KIF26B: variants seen among roughly 807,000 people sequenced by gnomAD.
KIF26B encodes the protein kinesin family member 26B, also known as kinesin-like protein KIF26B.
In KIF26B, 63 loss-of-function variants were observed where a neutral mutation model predicts 151.2. The observed-to-expected ratio is 0.42, with a 90% CI of 0.34 to 0.51. KIF26B has a LOEUF of 0.51. KIF26B is among the 20% of genes least tolerant of loss of function. The pLI is 0.07. For synonymous variants in KIF26B, 1,357 were observed against 1,262.1 expected, an observed-to-expected ratio of 1.08 and a Z score of -1.59; for missense variants, 2,813 against 2,913.6, an observed-to-expected ratio of 0.97 and a Z score of 0.79.
chr1:245,181,222 T>C (rs780220700), intron 2 of KIF26B, among the ~76,000 whole-genome samples: 1 of 152,194 alleles, frequency 6.6e-6, no homozygotes, highest in Non-Finnish European at 1.5e-5. Context: ...TCTTGCTCCC[T>C]TTCTAGTAGT....
intron 2 of KIF26B, among the ~76,000 whole-genome samples, chr1:245,319,915 G>A (rs763771025): frequency 4.6e-5 from 7 of 152,150 alleles, no homozygotes; most frequent in Non-Finnish European, 8.8e-5. Context: ...CCTTACGTGC[G>A]AATGATTTGG....
rs190478495 is a variant in KIF26B at position 245,236,983 on chromosome 1, G to A, written c.465+80300G>A. Among the ~76,000 whole-genome samples the A allele has an allele frequency of 7.7e-4, 117 of 152,334 alleles. 1 individual carries two copies. Among genetic ancestry groups the A allele is most frequent in the Middle Eastern group, 3.4e-3 (1 of 294 alleles). ...GACTTGTCTGAAATTACTTAAGGCC[G>A]ATCTGGGACTGAGTCTCTGGTCCGT... On this transcript the variant is annotated intron_variant, in intron 2 of 14. Coordinates refer to ENST00000407071, the MANE Select transcript of KIF26B (RefSeq NM_018012.4).
chr1:245,224,190 C>T (rs1669829748), intron 2 of KIF26B, among the ~76,000 whole-genome samples: 1 of 151,686 alleles, frequency 6.6e-6, no homozygotes, highest in African/African-American at 2.4e-5. Context: ...GAGGCTGAGG[C>T]AGGAGAATCG....
chr1:245,656,316 G>A (rs768217341), intron 10 of KIF26B, among the ~76,000 whole-genome samples: 3 of 152,134 alleles, frequency 2.0e-5, no homozygotes, highest in Non-Finnish European at 2.9e-5. Flanking sequence ...CTCTACTCAC[G>A]CTCATCTGTG....
intron 4 of KIF26B, among the ~76,000 whole-genome samples, chr1:245,491,621 A>C (rs1328061752): frequency 2.6e-5 from 4 of 151,744 alleles, no homozygotes; most frequent in Non-Finnish European, 5.9e-5. Context: ...AACTCTAGTA[A>C]ACTGGCTGGG....
chr1:245,514,130 CAT>C (rs1208963107), intron 4 of KIF26B, among the ~76,000 whole-genome samples: 4 of 152,164 alleles, frequency 2.6e-5, no homozygotes, highest in Non-Finnish European at 5.9e-5. Context: ...TAAGATAATA[CAT>C]ATGTTAATTA....
At chr1:245,552,489 C>G (rs12049461) in intron 5 of KIF26B, among the ~76,000 whole-genome samples, 49,694 of 151,802 alleles carry the variant, frequency 0.33, 8,592 homozygotes, top group Middle Eastern at 0.38. Context: ...GCCAAATTGA[C>G]ACATTACCAT....
At chr1:245,386,964 C>T (rs1673561477) in intron 3 of KIF26B, among the ~76,000 whole-genome samples, 1 of 152,082 alleles carries the variant, frequency 6.6e-6, no homozygotes, top group African/African-American at 2.4e-5. Flanking sequence ...CATGCCATGG[C>T]AGGGGCACAG....
In KIF26B at chr1:245,180,832, C is replaced by G. The variant is rs78700405; in HGVS notation, c.465+24149C>G. 9.3e-3 allele frequency among the ~76,000 whole-genome samples: 1,422 copies of G among 152,224 alleles called. 25 individuals are homozygous for G. The highest frequency in any genetic ancestry group is 0.032 in the African/African-American group (1,309 of 41,518). On this transcript the variant is annotated intron_variant, in intron 2 of 14. Transcript: ENST00000407071. ...CTTCTAGAGTCACTGCTGCAGGATTCTTTTTGTTTTTTTCTTTTTTAGAGG... is the reference window on the plus strand; with the variant it reads ...CTTCTAGAGTCACTGCTGCAGGATTGTTTTTGTTTTTTTCTTTTTTAGAGG...
At position 245,602,080 on chromosome 1, in the gene KIF26B, CA is replaced by C. The variant is rs1184053450; in HGVS notation, c.1351-496del. 6.6e-6 allele frequency among the ~76,000 whole-genome samples: 1 copy of C among 152,128 alleles called. No homozygotes were observed. Among genetic ancestry groups the C allele is most frequent in the Admixed American group, 6.6e-5 (1 of 15,258 alleles). ...CATTTCGAATGCTGGCCATTAAAAG[CA>C]GGCCATTTCACGGTTCTTTAATGAT... On this transcript the variant is annotated intron_variant, in intron 5 of 14. Coordinates refer to ENST00000407071, the MANE Select transcript of KIF26B (RefSeq NM_018012.4). This position sits in a 1 kb window ranked among gnomAD's most constrained non-coding sequence, Gnocchi z 4.5.
At chr1:245,615,781 C>T (rs986887050) in intron 9 of KIF26B, among the ~76,000 whole-genome samples, 15 of 152,300 alleles carry the variant, frequency 9.8e-5, no homozygotes, top group Middle Eastern at 6.8e-3. Flanking sequence ...TCTTCCCTCC[C>T]GAGGGGAAAG....
intron 5 of KIF26B, among the ~76,000 whole-genome samples, chr1:245,583,408 G>C (rs1001623312): frequency 6.6e-6 from 1 of 151,526 alleles, no homozygotes; most frequent in East Asian, 1.9e-4. Context: ...AACCATCTCC[G>C]GGGCCAAGCC....
intron 2 of KIF26B, among the ~76,000 whole-genome samples, chr1:245,324,044 TG>T (rs1671937974): frequency 7.8e-6 from 1 of 128,906 alleles, no homozygotes; most frequent in African/African-American, 3.2e-5. Flanking sequence ...GGAGGTGGGG[TG>T]GACCCTGATG....
At chr1:245,298,488 GC>G (rs1671374694) in intron 2 of KIF26B, among the ~76,000 whole-genome samples, 2 of 152,342 alleles carry the variant, frequency 1.3e-5, no homozygotes, top group South Asian at 4.1e-4. Flanking sequence ...GAGGTTGCCA[GC>G]AGCTAGAGGG....
intron 10 of KIF26B, among the ~76,000 whole-genome samples, chr1:245,681,218 T>C (rs895929882): frequency 8.2e-6 from 1 of 121,730 alleles, no homozygotes; most frequent in African/African-American, 2.6e-5. Flanking sequence ...CTTTTCTTTT[T>C]TTTTTTTTTG....
chr1:245,265,691 C>T (rs76195120), intron 2 of KIF26B, among the ~76,000 whole-genome samples: 1,727 of 151,504 alleles, frequency 0.011, 33 homozygotes, highest in African/African-American at 0.039. Flanking sequence ...AGGCTCAAAT[C>T]GTCCTCCCAA....
At chr1:245,669,466 ACTC>A (rs1194149715) in intron 10 of KIF26B, among the ~76,000 whole-genome samples, 2 of 152,132 alleles carry the variant, frequency 1.3e-5, no homozygotes, top group Non-Finnish European at 2.9e-5. Flanking sequence ...TATATAAAGA[ACTC>A]CTGTAAGTCA....
rs773112020 is a variant in KIF26B, at chr1:245,155,473, G to A, written c.49G>A (p.Gly17Ser). The A allele has an allele frequency of 1.9e-6, 3 of 1,612,076 alleles. No homozygotes were observed. The South Asian group carries it at 3.3e-5, about 18-fold the overall frequency. The change falls in exon 1 of 15, where the codon GGC (glycine) becomes AGC (serine). Residue 17 changes from glycine to serine, a missense_variant. Physicochemically the swap from Gly to Ser is moderately conservative, Grantham distance 56. Coordinates refer to ENST00000407071, the MANE Select transcript of KIF26B (RefSeq NM_018012.4). ...AGAGAGGCTTGCGGTCTCCACCAGG[G>A]GCAAGAAATACGGGGTAAGTTGTGA... is the stretch of plus-strand genomic sequence containing the variant. Reference protein sequence around the residue: ...NKERLAVSTRGKKYGVNEVCS... With the variant: ...NKERLAVSTRSKKYGVNEVCS...
chr1:245,254,001 G>A (rs930920416), intron 2 of KIF26B, among the ~76,000 whole-genome samples: 4 of 151,598 alleles, frequency 2.6e-5, no homozygotes, highest in Non-Finnish European at 5.9e-5. Context: ...TAGTAGAGAT[G>A]GGGTTTCACC....
Sources: gnomAD v4.1 joint callset for allele counts (sites outside exome capture counted in the v4.1 genomes callset) on GRCh38, gnomAD v4.1.1 for gene constraint, Gnocchi (gnomAD v3.1) non-coding constraint, MANE v1.5 for transcripts, NCBI Gene and HGNC (gene_info 2026-07-23, HGNC 2026-07-21) for gene names.